XPR1: variants seen among roughly 807,000 people sequenced by gnomAD.
The protein encoded by XPR1 is xenotropic and polytropic retrovirus receptor 1, also known as solute carrier family 53 member 1.
XPR1 carries 28 observed loss-of-function variants against 87.5 expected under a neutral mutation model. The observed-to-expected ratio is 0.32, with a 90% confidence interval of 0.24 to 0.44. The LOEUF (loss-of-function observed/expected upper bound fraction) is 0.44. XPR1 is among the 20% of genes least tolerant of loss of function. XPR1 has a pLI of 1.00. For missense variants in XPR1, 559 were observed against 862.3 expected (o/e 0.65, Z 4.41); for synonymous variants, 300 against 306.1 (o/e 0.98, Z 0.21).
chr1:180,797,600 A>G (rs1157386122), intron 3 of XPR1, among the ~76,000 whole-genome samples: 1 of 152,234 alleles, frequency 6.6e-6, no homozygotes, highest in Non-Finnish European at 1.5e-5. Flanking sequence ...AAATTTATAT[A>G]CTAATCTTTT....
chr1:180,659,401 T>G lies in XPR1; in HGVS notation c.70-22959T>G, dbSNP rs183156244. ...CTTCCGTCCTTCCTTCCTTCCTTCC[T>G]TCCTTCCTTCCTTCCTTCCTTCCTT... is the stretch of plus-strand genomic sequence containing the variant. On this transcript the variant is annotated intron_variant, in intron 1 of 14. Transcript: ENST00000367590. Among the ~76,000 whole-genome samples the G allele has an allele frequency of 2.8e-3, 298 of 107,738 alleles. 4 individuals carry two copies. Among genetic ancestry groups the G allele is most frequent in the African/African-American group, 0.014 (255 of 18,686 alleles). 70.7% of individuals were successfully genotyped at this position (107,738 alleles called of 152,430 possible).
intron 1 of XPR1, among the ~76,000 whole-genome samples, chr1:180,650,379 G>GCTTT (rs1655255977): frequency 6.6e-6 from 1 of 152,100 alleles, no homozygotes; most frequent in Admixed American, 6.5e-5. Flanking sequence ...GAGACTACAG[G>GCTTT]TGCACAGCAC....
intron 2 of XPR1, among the ~76,000 whole-genome samples, chr1:180,710,398 T>C (rs1212639741): frequency 6.6e-6 from 1 of 152,038 alleles, no homozygotes; most frequent in Non-Finnish European, 1.5e-5. Flanking sequence ...GGAGTGGTGA[T>C]GACTCTTAAC....
At chr1:180,726,567 G>T (rs1658357389) in intron 2 of XPR1, among the ~76,000 whole-genome samples, 1 of 152,114 alleles carries the variant, frequency 6.6e-6, no homozygotes, top group Admixed American at 6.5e-5. Flanking sequence ...CCCCTCTTGG[G>T]GTCCCTGAGA....
At chr1:180,637,753 C>T (rs924546883) in intron 1 of XPR1, among the ~76,000 whole-genome samples, 1 of 152,148 alleles carries the variant, frequency 6.6e-6, no homozygotes, top group Admixed American at 6.5e-5. Flanking sequence ...AGGGCTTCAC[C>T]ATGTTGGCCA....
At chr1:180,661,505 GTGTGTGTGTGTGT>G (rs1655777136) in intron 1 of XPR1, among the ~76,000 whole-genome samples, 1 of 151,422 alleles carries the variant, frequency 6.6e-6, no homozygotes, top group Non-Finnish European at 1.5e-5. Context: ...GTGTGTGTGT[GTGTGTGTGTGTGT>G]GGTATGTTTT....
At chr1:180,757,686 T>C (rs1277702194) in intron 2 of XPR1, among the ~76,000 whole-genome samples, 1 of 151,542 alleles carries the variant, frequency 6.6e-6, no homozygotes, top group Non-Finnish European at 1.5e-5. Flanking sequence ...CTGGATAATT[T>C]TTACAAATTT....
At chr1:180,780,428 G>T (rs1373435855) in intron 2 of XPR1, among the ~76,000 whole-genome samples, 1 of 152,140 alleles carries the variant, frequency 6.6e-6, no homozygotes, top group Non-Finnish European at 1.5e-5. Flanking sequence ...ATATTTTCAT[G>T]TACTTATTGG....
At chr1:180,794,731 G>A (rs1649508068) in intron 3 of XPR1, among the ~76,000 whole-genome samples, 1 of 152,148 alleles carries the variant, frequency 6.6e-6, no homozygotes, top group African/African-American at 2.4e-5. Flanking sequence ...GGAGAGGTGG[G>A]ATTTAGTGCT....
intron 1 of XPR1, among the ~76,000 whole-genome samples, chr1:180,662,823 TTTTC>T (rs1655824139): frequency 6.6e-6 from 1 of 152,200 alleles, no homozygotes; most frequent in African/African-American, 2.4e-5. Flanking sequence ...TTTTATTCCT[TTTTC>T]TTTCATCTCT....
chr1:180,653,530 C>T (rs1655358539), intron 1 of XPR1, among the ~76,000 whole-genome samples: 1 of 152,054 alleles, frequency 6.6e-6, no homozygotes, highest in Admixed American at 6.6e-5. Flanking sequence ...CAGTAGTCCC[C>T]CCCTTATCCA....
intron 11 of XPR1, among the ~76,000 whole-genome samples, chr1:180,843,403 G>A (rs368114291): frequency 1.3e-5 from 2 of 152,046 alleles, no homozygotes; most frequent in East Asian, 1.9e-4. Flanking sequence ...TATTTCTGCT[G>A]TAATTTCCTA....
At position 180,890,085 on chromosome 1, in the gene XPR1, C is replaced by G. The variant is rs1276402410; in HGVS notation, c.*6019C>G. The stretch of plus-strand genomic sequence containing the variant: ...GAATTCTTATGACTTATGAAGTTCC[C>G]TTCTTGATAAGTAGGTTAAATGCAC... On this transcript the variant is annotated 3_prime_UTR_variant, in exon 15 of 15. Transcript: ENST00000367590. 6.6e-6 allele frequency: 1 copy of G among 152,108 alleles called. No homozygotes were observed. The highest frequency in any genetic ancestry group is 1.5e-5 in the Non-Finnish European group (1 of 68,020). The allele number at this position is 152,108 out of a possible 1,614,324, so 9.4% of individuals were successfully genotyped here.
At chr1:180,670,562 GC>G (rs1656134764) in intron 1 of XPR1, among the ~76,000 whole-genome samples, 1 of 152,100 alleles carries the variant, frequency 6.6e-6, no homozygotes, top group Admixed American at 6.6e-5. Context: ...TATACTGTGT[GC>G]CCAGAAACTT....
intron 3 of XPR1, among the ~76,000 whole-genome samples, chr1:180,800,014 A>G (rs1036975590): frequency 6.6e-6 from 1 of 152,192 alleles, no homozygotes; most frequent in African/African-American, 2.4e-5. Context: ...CTGCAGTTCT[A>G]TCTTGATAAG....
At position 180,850,899 on chromosome 1, in the gene XPR1, C is replaced by T. The variant is rs562689492; in HGVS notation, c.1502-12809C>T. 1.7e-4 allele frequency among the ~76,000 whole-genome samples: 25 copies of T among 149,132 alleles called. No individual in the cohort carries two copies. In the South Asian group the frequency reaches 5.3e-3, roughly 31 times the overall value. On this transcript the variant is annotated intron_variant, in intron 11 of 14. Coordinates refer to ENST00000367590, the MANE Select transcript of XPR1 (RefSeq NM_004736.4). ...ACTTGAGCCCAGGAGTTCAAAGTTA[C>T]AGTGAGTTATTATTGTACCAATGTA...
intron 13 of XPR1, among the ~76,000 whole-genome samples, chr1:180,876,559 C>T (rs1334760858): frequency 1.3e-5 from 2 of 151,788 alleles, no homozygotes; most frequent in Non-Finnish European, 2.9e-5. Flanking sequence ...TTGCTTGAAC[C>T]CAGGAGGAAG....
intron 9 of XPR1, among the ~76,000 whole-genome samples, chr1:180,826,619 AGG>A (rs1236387945): frequency 6.6e-6 from 1 of 152,216 alleles, no homozygotes; most frequent in Admixed American, 6.5e-5. Context: ...ATTATTTCTT[AGG>A]TTATGAATTA....
chr1:180,836,379 A>T, intron 10 of XPR1, 143 bp from the exon 11 acceptor site: 5 of 825,526 alleles, frequency 6.1e-6, no homozygotes, highest in Non-Finnish European at 9.2e-6. Flanking sequence ...GAAAATCTTG[A>T]GAATATAATA....
Sources: allele counts gnomAD v4.1 joint callset (sites outside exome capture counted in the v4.1 genomes callset), GRCh38; gene constraint gnomAD v4.1.1; transcripts MANE v1.5; gene names NCBI Gene and HGNC (gene_info 2026-07-23, HGNC 2026-07-21).